Variants in FBLN1 observed in about 807,000 individuals in gnomAD.
The protein encoded by FBLN1 is fibulin 1.
Under a neutral mutation model 89.7 loss-of-function variants are expected in FBLN1, and 34 were observed. The ratio of observed to expected loss-of-function variants is 0.38; its 90% CI spans 0.29 to 0.50. FBLN1 has a LOEUF of 0.50. FBLN1 is among the 20% of genes least tolerant of loss of function. FBLN1 has a pLI of 0.92. For missense variants in FBLN1, 777 were observed against 988.1 expected (o/e 0.79, Z 2.86); for synonymous variants, 393 against 391.3 (o/e 1.00, Z -0.05).
At chr22:45,503,142 C>A in intron 1 of FBLN1, 78 bp downstream of exon 1, 2 of 1,122,268 alleles carry the variant, frequency 1.8e-6, no homozygotes, top group East Asian at 3.7e-5. Context: ...AGTTTCGGAA[C>A]CACGGGGACT....
At position 45,531,409 on chromosome 22, in the gene FBLN1, C is replaced by A; in HGVS notation, c.544+85C>A. The A allele has an allele frequency of 8.4e-7, 1 of 1,197,344 alleles. No homozygotes were observed. The highest frequency in any genetic ancestry group is 1.2e-6 in the Non-Finnish European group (1 of 804,216). 74.2% of individuals were successfully genotyped at this position (1,197,344 alleles called of 1,614,324 possible). On this transcript the variant is annotated intron_variant, in intron 5 of 16. Coordinates refer to ENST00000327858, the MANE Select transcript of FBLN1 (RefSeq NM_006486.3). The surrounding 1 kb of genome is among the most constrained non-coding windows in gnomAD (Gnocchi z 4.9). ...GTGGCTCAGGCCTGTAATCCTAGTA[C>A]TTTGGGAAGCCAAGGCAGGAGGATT...
intron 11 of FBLN1, among the ~76,000 whole-genome samples, chr22:45,544,565 T>C (rs2088602122): frequency 6.6e-6 from 1 of 152,226 alleles, no homozygotes; most frequent in Admixed American, 6.5e-5. Flanking sequence ...TTTTCTAAAG[T>C]AGATGCTTCT....
At chr22:45,584,290 T>C (rs1053651578) in intron 16 of FBLN1, among the ~76,000 whole-genome samples, 6 of 152,146 alleles carry the variant, frequency 3.9e-5, no homozygotes, top group African/African-American at 1.4e-4. Flanking sequence ...GTTTTGCCAG[T>C]GTGTCAACGC....
intron 12 of FBLN1, among the ~76,000 whole-genome samples, 199 bp downstream of exon 12, chr22:45,547,403 T>TG (rs1408961212): frequency 7.0e-6 from 1 of 142,956 alleles, no homozygotes; most frequent in Admixed American, 7.0e-5. Context: ...TTTTTTTTTT[T>TG]TTTTTTTTTT....
At position 45,579,029 on chromosome 22, in the gene FBLN1, C is replaced by T. The variant is rs1292707727; in HGVS notation, c.1972+1921C>T. Among the ~76,000 whole-genome samples, 1 of 152,226 alleles carries T rather than the reference C, an allele frequency of 6.6e-6. No homozygotes were observed. Among genetic ancestry groups the T allele is most frequent in the East Asian group, 1.9e-4 (1 of 5,200 alleles). On this transcript the variant is annotated intron_variant, in intron 16 of 16. Coordinates refer to ENST00000327858, the MANE Select transcript of FBLN1 (RefSeq NM_006486.3). The surrounding 1 kb of genome is among the most constrained non-coding windows in gnomAD (Gnocchi z 5.5). ...CAGGCCTTGATGGCCTGTGGAGGCT[C>T]TCTTAGGGGAAGTCTCCTGGCAGGT...
chr22:45,541,399 A>G (rs141989149), intron 9 of FBLN1, 27 bp downstream of exon 9: 6 of 1,614,006 alleles, frequency 3.7e-6, no homozygotes, highest in African/African-American at 1.3e-5. Context: ...CAAATCTGAA[A>G]TCCACTTTCC....
chr22:45,545,638 G>A lies in FBLN1; in HGVS notation c.1322-1447G>A, dbSNP rs1457141120. ...TGTAGCAAGAACTCGGTCCTGCACTGGGGAGTGTCTCTAGCGGGGGATGAG... is the reference window on the plus strand; with the variant it reads ...TGTAGCAAGAACTCGGTCCTGCACTAGGGAGTGTCTCTAGCGGGGGATGAG... On this transcript the variant is annotated intron_variant, in intron 11 of 16. Coordinates refer to ENST00000327858, the MANE Select transcript of FBLN1 (RefSeq NM_006486.3). This position sits in a 1 kb window ranked among gnomAD's most constrained non-coding sequence, Gnocchi z 5.9. Among the ~76,000 whole-genome samples, 1 of 152,164 alleles carries A rather than the reference G, an allele frequency of 6.6e-6. No homozygotes were observed. The highest frequency in any genetic ancestry group is 2.4e-5 in the African/African-American group (1 of 41,428).
At chr22:45,527,743 T>C (rs1404601119) in intron 3 of FBLN1, 104 bp from the exon 4 acceptor site, 11 of 1,164,100 alleles carry the variant, frequency 9.4e-6, no homozygotes, top group Non-Finnish European at 1.4e-5. Flanking sequence ...ACTCTACAGG[T>C]TGTGTGGACA....
At position 45,525,563 on chromosome 22, in the gene FBLN1, G is replaced by T. The variant is rs1320053634; in HGVS notation, c.206G>T (p.Cys69Phe). 1.9e-6 allele frequency: 3 copies of T among 1,549,540 alleles called. No homozygotes were observed. Among genetic ancestry groups the T allele is most frequent in the Non-Finnish European group, 2.6e-6 (3 of 1,146,818 alleles). The change falls in exon 3 of 17, where the codon TGC (cysteine) becomes TTC (phenylalanine). Residue 69 changes from cysteine (C) to phenylalanine (F), a missense_variant. Transcript: ENST00000327858. ...KECRMVQEQC[C>F]HSQLEELHCA... Reference sequence around the variant, plus strand: ...CACAGGATGGTGCAGGAGCAGTGCTGCCACAGCCAGCTGGAGGAGCTGCAC... The same window carrying T: ...CACAGGATGGTGCAGGAGCAGTGCTTCCACAGCCAGCTGGAGGAGCTGCAC...
chr22:45,571,537 C>T (rs1407485983), intron 14 of FBLN1, among the ~76,000 whole-genome samples: 4 of 152,136 alleles, frequency 2.6e-5, no homozygotes, highest in African/African-American at 9.7e-5. Flanking sequence ...TTATGTTAGT[C>T]ATGGTAACTT....
At position 45,563,278 on chromosome 22, in the gene FBLN1, G is replaced by A. The variant is rs545015193; in HGVS notation, c.1698-11233G>A. 61 of 1,613,402 alleles carry A rather than the reference G, an allele frequency of 3.8e-5. No homozygotes were observed. Among genetic ancestry groups the A allele is most frequent in the Admixed American group, 1.2e-4 (7 of 60,028 alleles). ...CTGCAGAGCTCTGAGCACTCGCTTC[G>A]CGTCGCGGGGTCTCCCTCCTGTTGC... is the stretch of plus-strand genomic sequence containing the variant. On this transcript the variant is annotated intron_variant, in intron 14 of 16. Transcript: ENST00000327858. The surrounding 1 kb of genome is among the most constrained non-coding windows in gnomAD (Gnocchi z 5.7).
Position 45,536,492 on chromosome 22 carries a change from C to T in FBLN1, c.922+1155C>T, listed in dbSNP as rs759806422. 1.3e-5 allele frequency among the ~76,000 whole-genome samples: 2 copies of T among 152,156 alleles called. No individual in the cohort carries two copies. Among genetic ancestry groups the T allele is most frequent in the Non-Finnish European group, 2.9e-5 (2 of 68,030 alleles). On this transcript the variant is annotated intron_variant, in intron 8 of 16. Coordinates refer to ENST00000327858, the MANE Select transcript of FBLN1 (RefSeq NM_006486.3). The surrounding 1 kb of genome is among the most constrained non-coding windows in gnomAD (Gnocchi z 5.1). ...TGAGAAAAGAAACTCTGGCCAGGCACGGTGGCTCACACTTGTAATCCCAGC... is the reference window on the plus strand; with the variant it reads ...TGAGAAAAGAAACTCTGGCCAGGCATGGTGGCTCACACTTGTAATCCCAGC...
chr22:45,517,710 GCAGAAAC>G, intron 1 of FBLN1: 1 of 448,432 alleles, frequency 2.2e-6, no homozygotes, highest in Middle Eastern at 3.4e-4. Flanking sequence ...TAAGTCAAGG[GCAGAAAC>G]CATCACCAGC....
intron 9 of FBLN1, among the ~76,000 whole-genome samples, chr22:45,541,580 T>C (rs1420904725): frequency 1.3e-5 from 2 of 152,208 alleles, no homozygotes; most frequent in Non-Finnish European, 2.9e-5. Context: ...TTGTCTGGCT[T>C]GTCCTGAGCC....
chr22:45,515,541 G>A (rs1339005477), intron 1 of FBLN1, among the ~76,000 whole-genome samples: 1 of 152,152 alleles, frequency 6.6e-6, no homozygotes, highest in Non-Finnish European at 1.5e-5. Context: ...AAATTCCCAG[G>A]GCTACGGGAG....
In FBLN1 at chr22:45,550,407, T is replaced by C; in HGVS notation, c.1574-85T>C. The stretch of plus-strand genomic sequence containing the variant: ...GATCGCCACCCCTAACCCTAGTTGA[T>C]GGGAGGCCTGGGCTCCTCCGTCTCC... On this transcript the variant is annotated intron_variant, in intron 13 of 16. Coordinates refer to ENST00000327858, the MANE Select transcript of FBLN1 (RefSeq NM_006486.3). This position sits in a 1 kb window ranked among gnomAD's most constrained non-coding sequence, Gnocchi z 8.4. 1 of 1,598,640 alleles carries C rather than the reference T, an allele frequency of 6.3e-7. No individual in the cohort carries two copies. Among genetic ancestry groups the C allele is most frequent in the Non-Finnish European group, 8.6e-7 (1 of 1,169,124 alleles).
Position 45,576,942 on chromosome 22 carries a change from T to C in FBLN1, c.1841-35T>C. 6.2e-7 allele frequency: 1 copy of C among 1,612,376 alleles called. No homozygotes were observed. The highest frequency in any genetic ancestry group is 1.1e-5 in the South Asian group (1 of 91,070). On this transcript the variant is annotated intron_variant, in intron 15 of 16. Coordinates refer to ENST00000327858, the MANE Select transcript of FBLN1 (RefSeq NM_006486.3). The surrounding 1 kb of genome is among the most constrained non-coding windows in gnomAD (Gnocchi z 5.2). The stretch of plus-strand genomic sequence containing the variant: ...GCTGGGACTGGGGCTGGGGCCAGGC[T>C]GTGCTGAGCCCTTCTCCATTCTGTG...
rs2089017625 is a variant in FBLN1, at chr22:45,578,579, G to A, written c.1972+1471G>A. 2 of 151,910 alleles carry A rather than the reference G, an allele frequency of 1.3e-5. No individual in the cohort carries two copies. Among genetic ancestry groups the A allele is most frequent in the Admixed American group, 6.6e-5 (1 of 15,258 alleles). 9.4% of individuals were successfully genotyped at this position (151,910 alleles called of 1,614,324 possible). On this transcript the variant is annotated intron_variant, in intron 16 of 16. Coordinates refer to ENST00000327858, the MANE Select transcript of FBLN1 (RefSeq NM_006486.3). This position sits in a 1 kb window ranked among gnomAD's most constrained non-coding sequence, Gnocchi z 4.6. ...AGTTTAGATGAAGACAGCCTTGAGG[G>A]TCCTTCAGGCCCCTGTGCAGGAGGG...
Position 45,547,343 on chromosome 22 carries a change from C to T in FBLN1, c.1441+139C>T. ...ACCTGACAAACCTTCCATGTCCACC[C>T]TTGGAGGCAAGCGGGTGGTTTGCTG... On this transcript the variant is annotated intron_variant, in intron 12 of 16. Transcript: ENST00000327858. The T allele has an allele frequency of 2.8e-6, 3 of 1,067,288 alleles. No individual in the cohort carries two copies. In the South Asian group the frequency reaches 4.0e-5, roughly 14 times the overall value. The allele number at this position is 1,067,288 out of a possible 1,614,324, so 66.1% of individuals were successfully genotyped here. A position where few individuals can be genotyped will look rare whatever the true frequency, so the allele number is the denominator to read the frequency against.
Sources: allele counts gnomAD v4.1 joint callset (sites outside exome capture counted in the v4.1 genomes callset), GRCh38; gene constraint gnomAD v4.1.1; non-coding constraint Gnocchi (gnomAD v3.1); transcripts MANE v1.5; gene names NCBI Gene and HGNC (gene_info 2026-07-23, HGNC 2026-07-21).